The following MICU1 variants were observed in gnomAD, a reference collection of about 807,000 sequenced individuals.
MICU1 encodes calcium uptake protein 1, mitochondrial.
In MICU1, 45 loss-of-function variants were observed where a neutral mutation model predicts 56.8. The observed-to-expected ratio is 0.79, with a 90% CI of 0.62 to 1.02. The LOEUF is 1.02. Among genes scored for constraint, MICU1 ranks in the 50% least tolerant of loss-of-function variants. MICU1 has a pLI of 0.00. For synonymous variants in MICU1, 186 were observed against 195.1 expected (o/e 0.95, Z 0.39); for missense variants, 504 against 587.1 (o/e 0.86, Z 1.46).
intron 6 of MICU1, among the ~76,000 whole-genome samples, chr10:72,486,458 G>A (rs1439870358): frequency 6.6e-6 from 1 of 152,024 alleles, no homozygotes. Flanking sequence ...ACTGACCACA[G>A]TTCAATTTGT....
At chr10:72,615,656 G>A (rs1821130281) in intron 1 of MICU1, among the ~76,000 whole-genome samples, 3 of 152,022 alleles carry the variant, frequency 2.0e-5, no homozygotes, top group Admixed American at 2.0e-4. Context: ...CGAAAGTTCA[G>A]TTTGAGTTTT....
At chr10:72,468,920 A>G (rs938454905) in intron 8 of MICU1, among the ~76,000 whole-genome samples, 1 of 152,236 alleles carries the variant, frequency 6.6e-6, no homozygotes, top group South Asian at 2.1e-4. Flanking sequence ...ATTTCAGACT[A>G]AAAGTAATAA....
intron 9 of MICU1, among the ~76,000 whole-genome samples, chr10:72,421,851 C>CA (rs1348737102): frequency 1.3e-5 from 2 of 152,202 alleles, no homozygotes; most frequent in African/African-American, 4.8e-5. Flanking sequence ...CGTTCCATTG[C>CA]ACTGTGAGTG....
At chr10:72,518,921 T>G (rs957869473) in intron 5 of MICU1, among the ~76,000 whole-genome samples, 1 of 152,210 alleles carries the variant, frequency 6.6e-6, no homozygotes, top group Non-Finnish European at 1.5e-5. Flanking sequence ...CCTCAAGTGA[T>G]CTGCCCGTCT....
At chr10:72,552,342 A>G (rs1216501832) in intron 3 of MICU1, among the ~76,000 whole-genome samples, 2 of 152,230 alleles carry the variant, frequency 1.3e-5, no homozygotes, top group Non-Finnish European at 2.9e-5. Flanking sequence ...CATGGAACAT[A>G]CAAAATACTA....
intron 1 of MICU1, among the ~76,000 whole-genome samples, chr10:72,616,158 G>A (rs1032144500): frequency 1.4e-4 from 22 of 152,060 alleles, no homozygotes; most frequent in Admixed American, 6.6e-5. Flanking sequence ...TATGAGTCAC[G>A]TTTTCCTACT....
chr10:72,582,047 A>G (rs1178945811), intron 1 of MICU1, among the ~76,000 whole-genome samples: 2 of 152,282 alleles, frequency 1.3e-5, no homozygotes, highest in African/African-American at 4.8e-5. Flanking sequence ...CTCCTGCCTC[A>G]GCCTCCCTAG....
intron 6 of MICU1, among the ~76,000 whole-genome samples, chr10:72,507,918 GT>G (rs2132347243): frequency 6.6e-6 from 1 of 152,102 alleles, no homozygotes; most frequent in East Asian, 1.9e-4. Context: ...GTGCCCAGCC[GT>G]TTTGTTTTGT....
intron 4 of MICU1, among the ~76,000 whole-genome samples, chr10:72,539,276 C>T (rs1182937391): frequency 6.6e-6 from 1 of 152,188 alleles, no homozygotes; most frequent in African/African-American, 2.4e-5. Context: ...CATCCAACTG[C>T]TACAGAATAC....
chr10:72,567,580 C>A (rs2132477454), intron 1 of MICU1, among the ~76,000 whole-genome samples: 1 of 152,268 alleles, frequency 6.6e-6, no homozygotes, highest in East Asian at 1.9e-4. Context: ...GAAAGCCACT[C>A]TCTGTGATGC....
intron 10 of MICU1, among the ~76,000 whole-genome samples, chr10:72,403,283 G>A (rs960822750): frequency 6.6e-6 from 1 of 151,978 alleles, no homozygotes; most frequent in African/African-American, 2.4e-5. Flanking sequence ...GCTTGAATCT[G>A]GGAGGTGGGG....
chr10:72,444,641 G>A (rs185313671), intron 8 of MICU1, among the ~76,000 whole-genome samples: 52 of 151,912 alleles, frequency 3.4e-4, no homozygotes, highest in African/African-American at 1.3e-3. Flanking sequence ...ATAGAGACAG[G>A]GTTTCGCCAT....
At chr10:72,551,136 C>T in intron 4 of MICU1, 43 bp downstream of exon 4, 1 of 1,540,698 alleles carries the variant, frequency 6.5e-7, no homozygotes, top group Non-Finnish European at 8.8e-7. Context: ...TAGCCTATAA[C>T]AAAATAAATA....
intron 5 of MICU1, among the ~76,000 whole-genome samples, chr10:72,519,948 TTTAAA>T (rs1263171222): frequency 6.6e-6 from 1 of 152,174 alleles, no homozygotes; most frequent in African/African-American, 2.4e-5. Context: ...AGCTTTACTA[TTTAAA>T]TTAAAGTGTC....
At chr10:72,425,606 C>T (rs1864321330) in intron 8 of MICU1, among the ~76,000 whole-genome samples, 1 of 152,134 alleles carries the variant, frequency 6.6e-6, no homozygotes, top group Non-Finnish European at 1.5e-5. Flanking sequence ...AAACAATCAA[C>T]TTCTGCTTGT....
At chr10:72,438,942 C>T (rs986362745) in intron 8 of MICU1, among the ~76,000 whole-genome samples, 63 of 152,110 alleles carry the variant, frequency 4.1e-4, no homozygotes, top group African/African-American at 1.4e-3. Context: ...CAGGACCAGA[C>T]GGATTCACAG....
At chr10:72,450,799 A>G (rs1865272682) in intron 8 of MICU1, among the ~76,000 whole-genome samples, 1 of 145,056 alleles carries the variant, frequency 6.9e-6, no homozygotes, top group Non-Finnish European at 1.5e-5. Context: ...ATCTCAGCTC[A>G]CTGCAACCGC....
At chr10:72,587,553 T>C (rs2132520694) in intron 1 of MICU1, among the ~76,000 whole-genome samples, 1 of 151,668 alleles carries the variant, frequency 6.6e-6, no homozygotes, top group African/African-American at 2.4e-5. Context: ...ACAGATCACT[T>C]GAAGCCAGGA....
chr10:72,533,816 A>G, intron 4 of MICU1, 27 bp from the exon 5 acceptor site: 1 of 1,506,152 alleles, frequency 6.6e-7, no homozygotes, highest in Non-Finnish European at 9.1e-7. Flanking sequence ...AAAAACATTT[A>G]GCTACTGATA....
Sources: allele counts gnomAD v4.1 joint callset (sites outside exome capture counted in the v4.1 genomes callset), GRCh38; gene constraint gnomAD v4.1.1; transcripts MANE v1.5; gene names NCBI Gene and HGNC (gene_info 2026-07-23, HGNC 2026-07-21).